PRKN: variants seen among roughly 807,000 people sequenced by gnomAD.
PRKN encodes parkin RBR E3 ubiquitin protein ligase.
Under a neutral mutation model 59.5 loss-of-function variants are expected in PRKN, and 56 were observed. The observed-to-expected ratio is 0.94, with a 90% CI of 0.76 to 1.18. The LOEUF (loss-of-function observed/expected upper bound fraction) is 1.18, where lower values mean the gene tolerates loss of function less well. PRKN is among the 50% of genes most tolerant of loss of function. The pLI, the probability that PRKN is intolerant of heterozygous loss-of-function variation, is 0.00. For synonymous variants in PRKN, 250 were observed against 222.1 expected, an observed-to-expected ratio of 1.13 and a Z score of -1.12; for missense variants, 657 against 596.4, an observed-to-expected ratio of 1.10 and a Z score of -1.06.
rs552394565 is a variant in PRKN at position 162,051,366 on chromosome 6, C to T, written c.618+2725G>A. Among the ~76,000 whole-genome samples the T allele has an allele frequency of 1.2e-4, 19 of 152,270 alleles. No individual in the cohort carries two copies. In the South Asian group the frequency reaches 2.5e-3, roughly 20 times the overall value. ...GTGAGTGTAATGTGTGAAGAAGCTTCATTTGTCACCCGGAACTTCACAGGC... is the reference window on the plus strand; with the variant it reads ...GTGAGTGTAATGTGTGAAGAAGCTTTATTTGTCACCCGGAACTTCACAGGC... On this transcript the variant is annotated intron_variant, in intron 5 of 11. Coordinates refer to ENST00000366898, the MANE Select transcript of PRKN (RefSeq NM_004562.3).
intron 9 of PRKN, among the ~76,000 whole-genome samples, chr6:161,387,812 A>G (rs974805233): frequency 6.6e-6 from 1 of 152,194 alleles, no homozygotes; most frequent in Non-Finnish European, 1.5e-5. Flanking sequence ...TTAAAGTGGT[A>G]AAGGGAAGAT....
At chr6:162,694,494 G>C (rs1015031021) in intron 1 of PRKN, among the ~76,000 whole-genome samples, 1 of 152,116 alleles carries the variant, frequency 6.6e-6, no homozygotes, top group African/African-American at 2.4e-5. Flanking sequence ...AGGCAAATGA[G>C]CAGACATACC....
intron 4 of PRKN, among the ~76,000 whole-genome samples, chr6:162,155,454 T>C (rs1782472125): frequency 6.6e-6 from 1 of 152,128 alleles, no homozygotes; most frequent in Admixed American, 6.6e-5. Flanking sequence ...AGCAGCACTA[T>C]GAGACTACCA....
chr6:162,205,095 T>A (rs547710570), intron 3 of PRKN, among the ~76,000 whole-genome samples: 1 of 152,166 alleles, frequency 6.6e-6, no homozygotes, highest in South Asian at 2.1e-4. Flanking sequence ...TCTCTTGACC[T>A]CATGATCTGC....
chr6:161,828,893 G>A (rs1187598548), intron 6 of PRKN, among the ~76,000 whole-genome samples: 9 of 150,326 alleles, frequency 6.0e-5, no homozygotes, highest in Non-Finnish European at 1.5e-5. Flanking sequence ...TCACGCCATT[G>A]CACTCTAGTC....
intron 2 of PRKN, among the ~76,000 whole-genome samples, chr6:162,436,193 A>G (rs1245151346): frequency 2.0e-5 from 3 of 150,842 alleles, no homozygotes; most frequent in African/African-American, 7.3e-5. Flanking sequence ...AAAAAAAAAA[A>G]AAAAAAAAAA....
chr6:161,697,572 C>T (rs1786074836), intron 7 of PRKN, among the ~76,000 whole-genome samples: 2 of 152,106 alleles, frequency 1.3e-5, no homozygotes, highest in African/African-American at 4.8e-5. Context: ...TTAATTTGCT[C>T]CTCTGAACTG....
chr6:161,507,283 A>AC (rs1172312003), intron 9 of PRKN, among the ~76,000 whole-genome samples: 1 of 152,106 alleles, frequency 6.6e-6, no homozygotes, highest in Non-Finnish European at 1.5e-5. Context: ...AAGACGAGTG[A>AC]CTTTTTGTCT....
rs79601461 is a variant in PRKN, at chr6:161,431,198, G to A, written c.1084-44321C>T. ...CTACGTTTTCCCATGTATTTAATGT[G>A]AGCAATTATGATTAGCTAATCTCAA... On this transcript the variant is annotated intron_variant, in intron 9 of 11. Coordinates refer to ENST00000366898, the MANE Select transcript of PRKN (RefSeq NM_004562.3). 5.2e-3 allele frequency among the ~76,000 whole-genome samples: 796 copies of A among 151,632 alleles called. 12 individuals carry two copies. In the East Asian group the frequency reaches 0.06, roughly 11 times the overall value.
At chr6:162,651,125 T>A (rs968586920) in intron 1 of PRKN, among the ~76,000 whole-genome samples, 1 of 151,098 alleles carries the variant, frequency 6.6e-6, no homozygotes, top group African/African-American at 2.4e-5. Flanking sequence ...ATGGCTTTGT[T>A]TGTTTGTTTG....
At chr6:161,902,550 T>TATCTATCTATCTATCTATCTATC (rs1554245408) in intron 6 of PRKN, among the ~76,000 whole-genome samples, 1,514 of 101,072 alleles carry the variant, frequency 0.015, 20 homozygotes, top group Non-Finnish European at 0.022. Context: ...ATCTATCTAT[T>TATCTATCTATCTATCTATCTATC]TATTTATTTA....
intron 1 of PRKN, among the ~76,000 whole-genome samples, chr6:162,640,023 T>TAC (rs1777901366): frequency 6.6e-6 from 1 of 152,150 alleles, no homozygotes; most frequent in Non-Finnish European, 1.5e-5. Context: ...ATTTTATATA[T>TAC]ACCCATAAAT....
rs150254822 is a variant in PRKN at position 162,355,814 on chromosome 6, C to T, written c.171+87496G>A. 1.4e-3 allele frequency among the ~76,000 whole-genome samples: 218 copies of T among 151,986 alleles called. 1 individual carries two copies. The highest frequency in any genetic ancestry group is 5.0e-3 in the African/African-American group (207 of 41,456). ...AAGTCAGGAACAATGTCTCTGTCTT[C>T]GGAAGTCTCCTGTGAAGCAGAATTT... On this transcript the variant is annotated intron_variant, in intron 2 of 11. Coordinates refer to ENST00000366898, the MANE Select transcript of PRKN (RefSeq NM_004562.3).
intron 2 of PRKN, among the ~76,000 whole-genome samples, chr6:162,320,348 G>C (rs1214009739): frequency 1.8e-3 from 7 of 3,826 alleles, no homozygotes; most frequent in Non-Finnish European, 2.6e-3. Flanking sequence ...AACTGTAATA[G>C]AAATACAAAA....
intron 2 of PRKN, among the ~76,000 whole-genome samples, chr6:162,360,056 CA>C (rs769067008): frequency 6.6e-6 from 1 of 151,768 alleles, no homozygotes; most frequent in African/African-American, 2.4e-5. Flanking sequence ...TAAAATACGG[CA>C]AAATATAATT....
chr6:161,899,363 C>T (rs1463237597), intron 6 of PRKN, among the ~76,000 whole-genome samples: 1 of 152,170 alleles, frequency 6.6e-6, no homozygotes, highest in South Asian at 2.1e-4. Flanking sequence ...CAAAGCCTTT[C>T]CCCCCTTATT....
chr6:162,071,823 C>T (rs992924434), intron 4 of PRKN, among the ~76,000 whole-genome samples: 1 of 151,978 alleles, frequency 6.6e-6, no homozygotes, highest in Non-Finnish European at 1.5e-5. Flanking sequence ...TCTCGAACTC[C>T]TGACTTCAAG....
intron 1 of PRKN, among the ~76,000 whole-genome samples, chr6:162,713,337 A>G (rs1291822228): frequency 6.6e-6 from 1 of 152,092 alleles, no homozygotes; most frequent in Non-Finnish European, 1.5e-5. Context: ...TATTAAAAAT[A>G]CAAAAAATTA....
chr6:162,054,474 C>T (rs1420277095), intron 4 of PRKN, among the ~76,000 whole-genome samples: 2 of 152,184 alleles, frequency 1.3e-5, no homozygotes, highest in African/African-American at 4.8e-5. Context: ...AAAGGCCATC[C>T]CTGACTTTGC....
Sources: allele counts gnomAD v4.1 joint callset (sites outside exome capture counted in the v4.1 genomes callset), GRCh38; gene constraint gnomAD v4.1.1; transcripts MANE v1.5; gene names NCBI Gene and HGNC (gene_info 2026-07-23, HGNC 2026-07-21).